Variants in LTBP1 observed in about 807,000 individuals in gnomAD.
LTBP1 encodes the protein latent transforming growth factor beta binding protein 1, also known as latent-transforming growth factor beta-binding protein 1.
A neutral mutation model predicts 207.6 loss-of-function variants in LTBP1; 129 were observed. That is an observed-to-expected ratio of 0.62 (90% CI 0.54 to 0.72). The LOEUF (loss-of-function observed/expected upper bound fraction) is 0.72, where lower values mean the gene tolerates loss of function less well. Among genes scored for constraint, LTBP1 ranks in the 30% least tolerant of loss-of-function variants. The probability of loss-of-function intolerance (pLI) is 0.00; values close to 1 mark genes in which losing one functional copy is unlikely to be tolerated. For missense variants in LTBP1, 2,281 were observed against 2,217.2 expected (o/e 1.03, Z -0.58); for synonymous variants, 963 against 833.7 (o/e 1.16, Z -2.67).
intron 23 of LTBP1, among the ~76,000 whole-genome samples, chr2:33,312,041 G>C (rs541818262): frequency 1.8e-4 from 27 of 152,278 alleles, no homozygotes; most frequent in African/African-American, 6.5e-4. Context: ...GTTAGAAGCT[G>C]TATATGATGG....
intron 3 of LTBP1, among the ~76,000 whole-genome samples, chr2:33,044,294 G>T (rs538389880): frequency 6.6e-6 from 1 of 152,110 alleles, no homozygotes; most frequent in South Asian, 2.1e-4. Flanking sequence ...GCCCTGGTGT[G>T]TGATGTTCCC....
At chr2:33,048,423 A>C (rs1166326820) in intron 3 of LTBP1, among the ~76,000 whole-genome samples, 1 of 152,230 alleles carries the variant, frequency 6.6e-6, no homozygotes, top group Non-Finnish European at 1.5e-5. Flanking sequence ...CTGGATTAGA[A>C]GTGGTTATTA....
At chr2:33,155,866 T>C (rs1208259182) in intron 5 of LTBP1, among the ~76,000 whole-genome samples, 1 of 152,256 alleles carries the variant, frequency 6.6e-6, no homozygotes, top group African/African-American at 2.4e-5. Flanking sequence ...TTTGATAACG[T>C]TTTGTTAATC....
chr2:33,377,306 A>G (rs554001816), intron 31 of LTBP1, among the ~76,000 whole-genome samples: 18 of 151,978 alleles, frequency 1.2e-4, no homozygotes, highest in African/African-American at 4.1e-4. Context: ...TGTAGCATGA[A>G]CTCTCTGTTT....
intron 24 of LTBP1, among the ~76,000 whole-genome samples, chr2:33,319,214 A>G (rs1291390874): frequency 1.3e-5 from 2 of 152,122 alleles, no homozygotes; most frequent in South Asian, 2.1e-4. Flanking sequence ...CCTGGCCAAC[A>G]TGGTGGAACC....
At chr2:33,264,280 T>C (rs817539) in intron 15 of LTBP1, among the ~76,000 whole-genome samples, 94,521 of 147,986 alleles carry the variant, frequency 0.64, 31,140 homozygotes, top group East Asian at 0.92. Context: ...AAAAAGAATA[T>C]GATGTAATGA....
At chr2:33,320,396 G>GA (rs57890814) in intron 24 of LTBP1, among the ~76,000 whole-genome samples, 12,400 of 124,662 alleles carry the variant, frequency 0.099, 1,198 homozygotes, top group African/African-American at 0.26. Flanking sequence ...TAAACTCTGT[G>GA]AAAAAAAAAA....
chr2:33,393,076 G>A (rs1246025424), intron 32 of LTBP1, among the ~76,000 whole-genome samples: 1 of 151,670 alleles, frequency 6.6e-6, no homozygotes, highest in African/African-American at 2.4e-5. Context: ...TTAGGTTCAG[G>A]GGTACATATA....
intron 5 of LTBP1, among the ~76,000 whole-genome samples, chr2:33,160,130 C>T (rs2084335378): frequency 6.6e-6 from 1 of 152,164 alleles, no homozygotes; most frequent in East Asian, 1.9e-4. Context: ...CCGCCCACGT[C>T]GGCCTCCCAA....
chr2:33,014,083 G>A (rs1315047912), intron 2 of LTBP1, among the ~76,000 whole-genome samples: 2 of 152,136 alleles, frequency 1.3e-5, no homozygotes, highest in Non-Finnish European at 2.9e-5. Flanking sequence ...AACAATGAAA[G>A]CAAACACCCA....
chr2:33,040,846 G>A (rs2076147921), intron 3 of LTBP1, among the ~76,000 whole-genome samples: 1 of 152,132 alleles, frequency 6.6e-6, no homozygotes, highest in Non-Finnish European at 1.5e-5. Context: ...TGGCGGGGAG[G>A]TCTGAGGGAG....
At position 33,110,743 on chromosome 2, in the gene LTBP1, C is replaced by G. The variant is rs755344524; in HGVS notation, c.1025C>G (p.Pro342Arg). The G allele has an allele frequency of 6.2e-7, 1 of 1,613,518 alleles. No homozygotes were observed. Among genetic ancestry groups the G allele is most frequent in the Non-Finnish European group, 8.5e-7 (1 of 1,179,668 alleles). The part of the protein sequence containing the change: ...LRYVQDQVAA[P>R]FQLSNHTGRI... ...TATGTGCAGGATCAAGTTGCGGCAC[C>G]TTTTCAGCGTGAGTATAGTCTTATC... The change falls in exon 4 of 34, where the codon CCT becomes CGT. Residue 342 changes from proline (P) to arginine (R), a missense_variant. Around this residue, in one of 3 missense-constraint regions of LTBP1, gnomAD observed 555 missense variants for 491.0 expected, o/e 1.13. Transcript: ENST00000404816.
At chr2:33,288,443 G>A (rs1383914624) in intron 19 of LTBP1, among the ~76,000 whole-genome samples, 1 of 152,188 alleles carries the variant, frequency 6.6e-6, no homozygotes, top group Admixed American at 6.5e-5. Context: ...CCAAGGCAAC[G>A]AGACAATGAG....
intron 2 of LTBP1, among the ~76,000 whole-genome samples, chr2:32,955,595 G>T (rs1479134728): frequency 6.6e-6 from 1 of 150,772 alleles, no homozygotes; most frequent in Non-Finnish European, 1.5e-5. Context: ...TTTTAAAAAA[G>T]ATTTTTTGGA....
chr2:32,947,776 G>T lies in LTBP1; in HGVS notation c.452G>T (p.Gly151Val), dbSNP rs756449500. 7 of 1,514,608 alleles carry T rather than the reference G, an allele frequency of 4.6e-6. No homozygotes were observed. In the South Asian group the frequency reaches 8.9e-5, roughly 19 times the overall value. 93.8% of individuals were successfully genotyped at this position (1,514,608 alleles called of 1,614,324 possible). The change falls in exon 1 of 34, where the codon GGA becomes GTA. Residue 151 changes from glycine (G) to valine (V), a missense_variant. Gly to Val is a moderately radical substitution (Grantham distance 109). Transcript: ENST00000404816. ...GTGCCGCAGGAGACCCAGAGCGGCG[G>T]AGGCTCTAGGCTGCAGGTTCACCAG... is the stretch of plus-strand genomic sequence containing the variant. ...SKVPQETQSG[G>V]GSRLQVHQKQ...
intron 9 of LTBP1, among the ~76,000 whole-genome samples, chr2:33,228,976 G>T (rs985266680): frequency 6.6e-6 from 1 of 151,710 alleles, no homozygotes; most frequent in Non-Finnish European, 1.5e-5. Context: ...TGGGATTACG[G>T]GTGTGAGCCA....
At chr2:32,969,229 T>TGTGTGTG (rs575035380) in intron 2 of LTBP1, among the ~76,000 whole-genome samples, 1,781 of 131,706 alleles carry the variant, frequency 0.014, 37 homozygotes, top group African/African-American at 0.03. Context: ...CCTGGCCAAT[T>TGTGTGTG]TGTGTGTGTG....
chr2:33,238,806 C>T (rs556421684), intron 9 of LTBP1, among the ~76,000 whole-genome samples: 11 of 152,290 alleles, frequency 7.2e-5, no homozygotes, highest in Non-Finnish European at 1.2e-4. Flanking sequence ...CAGTGAGATA[C>T]GGTGTGCTAT....
chr2:33,164,700 T>C (rs1019644528), intron 5 of LTBP1, among the ~76,000 whole-genome samples: 4 of 152,198 alleles, frequency 2.6e-5, no homozygotes, highest in African/African-American at 9.6e-5. Context: ...AAGTTTAACT[T>C]TGAGTCTTGT....
Sources: allele counts gnomAD v4.1 joint callset (sites outside exome capture counted in the v4.1 genomes callset), GRCh38; gene constraint gnomAD v4.1.1; regional missense constraint gnomAD v4.1.1; transcripts MANE v1.5; gene names NCBI Gene and HGNC (gene_info 2026-07-23, HGNC 2026-07-21).